MKLN1: variants seen among roughly 807,000 people sequenced by gnomAD.
The protein encoded by MKLN1 is muskelin 1, also known as muskelin.
A neutral mutation model predicts 99.0 loss-of-function variants in MKLN1; 18 were observed. That is an observed-to-expected ratio of 0.18 (90% CI 0.13 to 0.27). The LOEUF is 0.27. Ranked by LOEUF, MKLN1 falls within the 10% of genes least tolerant of loss-of-function variation. The probability of loss-of-function intolerance (pLI) is 1.00; values close to 1 mark genes in which losing one functional copy is unlikely to be tolerated. For synonymous variants in MKLN1, 288 were observed against 293.2 expected (o/e 0.98, Z 0.18); for missense variants, 621 against 875.9 (o/e 0.71, Z 3.67).
intron 1 of MKLN1, among the ~76,000 whole-genome samples, chr7:131,333,204 A>G (rs1016438918): frequency 6.6e-6 from 1 of 152,058 alleles, no homozygotes; most frequent in African/African-American, 2.4e-5. Flanking sequence ...GATTACAGGC[A>G]TGAGCCACCA....
At chr7:131,300,700 A>AAC (rs57871752) in intron 3 of MKLN1, among the ~76,000 whole-genome samples, 3 of 121,104 alleles carry the variant, frequency 2.5e-5, no homozygotes, top group Non-Finnish European at 5.7e-5. Context: ...AAAAAAAAAA[A>AAC]CAACCAAAAA....
intron 6 of MKLN1, among the ~76,000 whole-genome samples, chr7:131,400,569 T>A (rs912969372): frequency 3.3e-5 from 5 of 149,590 alleles, no homozygotes; most frequent in African/African-American, 1.2e-4. Context: ...TTCTGTGGGT[T>A]TTTTTTAACC....
intron 3 of MKLN1, 51 bp from the exon 4 acceptor site, chr7:131,388,833 C>A: frequency 1.7e-6 from 2 of 1,188,486 alleles, no homozygotes; most frequent in African/African-American, 1.5e-5. Flanking sequence ...TGTTCTAGTG[C>A]ATTTACTAAA....
At chr7:131,426,600 T>C (rs113248993) in intron 8 of MKLN1, among the ~76,000 whole-genome samples, 7 of 152,338 alleles carry the variant, frequency 4.6e-5, no homozygotes, top group Middle Eastern at 3.4e-3. Flanking sequence ...TTCACACTTA[T>C]ACAGTGCCAA....
chr7:131,436,000 C>T (rs1260859760), intron 9 of MKLN1, among the ~76,000 whole-genome samples: 5 of 152,086 alleles, frequency 3.3e-5, no homozygotes, highest in South Asian at 4.1e-4. Context: ...TCAAGTTTTA[C>T]ACTCTATGCA....
intron 2 of MKLN1, among the ~76,000 whole-genome samples, chr7:131,165,238 T>C (rs1317618129): frequency 6.6e-6 from 1 of 152,048 alleles, no homozygotes; most frequent in Non-Finnish European, 1.5e-5. Context: ...CAGGCTGGAG[T>C]GTAATGGCGC....
At position 131,204,547 on chromosome 7, in the gene MKLN1, T is replaced by G. The variant is rs1796777230; in HGVS notation, c.-179+1573T>G. Among the ~76,000 whole-genome samples the G allele has an allele frequency of 2.6e-5, 4 of 152,192 alleles. 1 individual carries two copies. Among genetic ancestry groups the G allele is most frequent in the Admixed American group, 2.6e-4 (4 of 15,276 alleles). On this transcript the variant is annotated intron_variant, in intron 3 of 7. Transcript: ENST00000416992. Reference sequence around the variant, plus strand: ...TTTTGTGAATTGAAAAAGCTGCAAGTTAGGCCGGGTGCGGTGGCTCACGCC... The same window carrying G: ...TTTTGTGAATTGAAAAAGCTGCAAGGTAGGCCGGGTGCGGTGGCTCACGCC...
chr7:131,174,996 TAGA>T (rs2116343093), intron 2 of MKLN1, among the ~76,000 whole-genome samples: 1 of 149,000 alleles, frequency 6.7e-6, no homozygotes, highest in East Asian at 2.0e-4. Flanking sequence ...GATAGATAGA[TAGA>T]TAGATAGATA....
chr7:131,482,760 A>G (rs576156911), intron 17 of MKLN1, among the ~76,000 whole-genome samples: 8 of 152,350 alleles, frequency 5.3e-5, no homozygotes, highest in African/African-American at 1.9e-4. Flanking sequence ...GTCATCAGTC[A>G]TACTACTAGT....
intron 6 of MKLN1, among the ~76,000 whole-genome samples, chr7:131,402,686 G>T (rs939060896): frequency 6.6e-6 from 1 of 152,184 alleles, no homozygotes; most frequent in African/African-American, 2.4e-5. Context: ...GTGTTAGTAG[G>T]CATGAAAACA....
upstream of MKLN1, chr7:131,327,837 C>T (rs891271865): frequency 1.9e-6 from 3 of 1,590,788 alleles, no homozygotes; most frequent in Admixed American, 5.1e-5. Flanking sequence ...GAGCAGGCCA[C>T]GCCCCCTCCC....
At chr7:131,111,259 G>A (rs375950645) in intron 1 of MKLN1, among the ~76,000 whole-genome samples, 33 of 152,328 alleles carry the variant, frequency 2.2e-4, no homozygotes, top group East Asian at 1.2e-3. Context: ...AATCACCAGC[G>A]TGTTCCGTGG....
At chr7:131,455,919 G>A (rs573835542) in intron 12 of MKLN1, among the ~76,000 whole-genome samples, 19 of 152,210 alleles carry the variant, frequency 1.2e-4, no homozygotes, top group African/African-American at 3.9e-4. Context: ...GGTGATGCAC[G>A]CCTGTTGTCC....
chr7:131,405,455 G>A (rs1272184498), intron 6 of MKLN1, among the ~76,000 whole-genome samples: 4 of 151,998 alleles, frequency 2.6e-5, no homozygotes, highest in African/African-American at 9.7e-5. Flanking sequence ...CTGTGTCCTT[G>A]ACTTATGCTC....
chr7:131,249,430 G>A (rs1013215124), intron 3 of MKLN1, among the ~76,000 whole-genome samples: 8 of 152,228 alleles, frequency 5.3e-5, no homozygotes, highest in African/African-American at 1.9e-4. Context: ...GGTAAAGGAT[G>A]TACTTATAAT....
chr7:131,177,827 T>C (rs965168935), intron 2 of MKLN1, among the ~76,000 whole-genome samples: 12 of 152,236 alleles, frequency 7.9e-5, no homozygotes, highest in Non-Finnish European at 1.3e-4. Flanking sequence ...TCATAGTGGC[T>C]TAAATACATG....
At chr7:131,240,990 G>A (rs372735768) in intron 3 of MKLN1, among the ~76,000 whole-genome samples, 14 of 152,292 alleles carry the variant, frequency 9.2e-5, no homozygotes, top group South Asian at 6.2e-4. Flanking sequence ...ACTAGGCAGA[G>A]CCCTCTTCTT....
chr7:131,262,884 T>G (rs1482994638), intron 3 of MKLN1, among the ~76,000 whole-genome samples: 22 of 152,116 alleles, frequency 1.4e-4, no homozygotes, highest in Admixed American at 1.4e-3. Flanking sequence ...TTTAGAACTG[T>G]CTCCTTTCTC....
At chr7:131,112,539 G>C (rs909416691) in intron 1 of MKLN1, among the ~76,000 whole-genome samples, 1 of 152,144 alleles carries the variant, frequency 6.6e-6, no homozygotes, top group African/African-American at 2.4e-5. Flanking sequence ...GTTACAAAAG[G>C]ATATAAAAGT....
Sources: allele counts gnomAD v4.1 joint callset (sites outside exome capture counted in the v4.1 genomes callset), GRCh38; gene constraint gnomAD v4.1.1; transcripts MANE v1.5; gene names NCBI Gene and HGNC (gene_info 2026-07-23, HGNC 2026-07-21).